ZNF254: variants seen among roughly 807,000 people sequenced by gnomAD.
The protein encoded by ZNF254 is zinc finger protein 254, also known as CTD-2017D11.1.
Under a neutral mutation model 12.4 loss-of-function variants are expected in ZNF254, and 10 were observed. That is an observed-to-expected ratio of 0.80 (90% CI 0.50 to 1.36). The LOEUF (loss-of-function observed/expected upper bound fraction) is 1.36, where lower values mean the gene tolerates loss of function less well. Ranked by LOEUF, ZNF254 falls within the 40% of genes most tolerant of loss-of-function variation. The probability of loss-of-function intolerance (pLI) is 0.00; values close to 1 mark genes in which losing one functional copy is unlikely to be tolerated. For synonymous variants in ZNF254, 305 were observed against 253.4 expected, an observed-to-expected ratio of 1.20 and a Z score of -1.93; for missense variants, 996 against 763.9, an observed-to-expected ratio of 1.30 and a Z score of -3.58.
intron 1 of ZNF254, among the ~76,000 whole-genome samples, chr19:24,045,346 G>C (rs890788516): frequency 6.6e-6 from 1 of 151,960 alleles, no homozygotes; most frequent in African/African-American, 2.4e-5. Context: ...CTTCAGCTAG[G>C]CTCCCCCCTC....
chr19:24,104,978 C>T (rs1412865397), intron 1 of ZNF254: 1 of 152,148 alleles, frequency 6.6e-6, no homozygotes. Context: ...AATTACAGAA[C>T]ATGAAAGATA....
At chr19:24,119,506 T>C (rs901979067) in intron 3 of ZNF254, among the ~76,000 whole-genome samples, 1 of 152,120 alleles carries the variant, frequency 6.6e-6, no homozygotes, top group Non-Finnish European at 1.5e-5. Context: ...TTGTTTGTTC[T>C]TGAGATAGGG....
chr19:24,048,217 GGTT>G (rs1314538527), intron 2 of ZNF254, among the ~76,000 whole-genome samples: 2 of 151,928 alleles, frequency 1.3e-5, no homozygotes, highest in Non-Finnish European at 2.9e-5. Flanking sequence ...CACACGTTTG[GGTT>G]GATCAGAGAT....
At position 24,129,497 on chromosome 19, in the gene ZNF254, A is replaced by G. The variant is rs1390628784; in HGVS notation, c.*1517A>G. ...TTTTGCCAGTGGCTTTAAATTGCCA[A>G]TAAGTTAAAGAATATTGTTCCTATG... On this transcript the variant is annotated 3_prime_UTR_variant, in exon 4 of 4. Coordinates refer to ENST00000357002, the MANE Select transcript of ZNF254 (RefSeq NM_203282.4). 2.0e-5 allele frequency: 3 copies of G among 152,038 alleles called. No individual in the cohort carries two copies. Among genetic ancestry groups the G allele is most frequent in the South Asian group, 2.1e-4 (1 of 4,836 alleles). The allele number at this position is 152,038 out of a possible 1,614,324, so 9.4% of individuals were successfully genotyped here. A position where few individuals can be genotyped will look rare whatever the true frequency, so the allele number is the denominator to read the frequency against.
chr19:24,126,274 C>A lies in ZNF254; in HGVS notation c.274C>A (p.Gln92Lys), dbSNP rs1487405285. 1 of 1,491,812 alleles carries A rather than the reference C, an allele frequency of 6.7e-7. No homozygotes were observed. Among genetic ancestry groups the A allele is most frequent in the Non-Finnish European group, 8.9e-7 (1 of 1,122,558 alleles). 92.4% of individuals were successfully genotyped at this position (1,491,812 alleles called of 1,614,324 possible). A position where few individuals can be genotyped will look rare whatever the true frequency, so the allele number is the denominator to read the frequency against. ...TTCAGGTATGTGTCCTCATTTTGCT[C>A]AAGACCTTTGGCCAGAGCAGGGCAT... ...EPPGMCPHFA[Q>K]DLWPEQGMED... The change falls in exon 4 of 4, where the codon CAA becomes AAA. Residue 92 changes from glutamine (Q) to lysine (K), a missense_variant. Gln to Lys is a moderately conservative substitution (Grantham distance 53, BLOSUM62 1). Transcript: ENST00000357002.
chr19:24,091,548 A>C (rs1023194476), intron 1 of ZNF254, among the ~76,000 whole-genome samples: 2 of 152,044 alleles, frequency 1.3e-5, no homozygotes, highest in Non-Finnish European at 2.9e-5. Flanking sequence ...GCTGGAGTGC[A>C]ATGGTGCAAT....
chr19:24,057,201 T>C (rs540843807), intron 2 of ZNF254, among the ~76,000 whole-genome samples: 1 of 152,344 alleles, frequency 6.6e-6, no homozygotes, highest in South Asian at 2.1e-4. Flanking sequence ...GTATGCACAC[T>C]TTGCCAATTG....
At position 24,128,930 on chromosome 19, in the gene ZNF254, T is replaced by C. The variant is rs903766871; in HGVS notation, c.*950T>C. On this transcript the variant is annotated 3_prime_UTR_variant, in exon 4 of 4. Transcript: ENST00000357002. ...AGATTTTTTTTAAAAGTGAATAATG[T>C]GTTCAACTCTTAAATTCATGCTGTT... 9 of 152,076 alleles carry C rather than the reference T, an allele frequency of 5.9e-5. No individual in the cohort carries two copies. The highest frequency in any genetic ancestry group is 5.9e-4 in the Admixed American group (9 of 15,250). The allele number at this position is 152,076 out of a possible 1,614,324, so 9.4% of individuals were successfully genotyped here.
chr19:24,109,944 G>A lies in ZNF254; in HGVS notation c.253+3301G>A, dbSNP rs557384016. On this transcript the variant is annotated intron_variant, in intron 3 of 3. Coordinates refer to ENST00000357002, the MANE Select transcript of ZNF254 (RefSeq NM_203282.4). ...GGGGTTTGCCATGTTGGTCAGGCAG[G>A]TCTCAAACTCCTGACCTTGGGTGAT... Among the ~76,000 whole-genome samples, 450 of 151,272 alleles carry A rather than the reference G, an allele frequency of 3.0e-3. 1 individual carries two copies. Among genetic ancestry groups the A allele is most frequent in the African/African-American group, 0.011 (435 of 41,278 alleles).
chr19:24,059,512 G>A (rs901053663), intron 2 of ZNF254, among the ~76,000 whole-genome samples: 4 of 152,248 alleles, frequency 2.6e-5, no homozygotes, highest in Admixed American at 6.5e-5. Context: ...GAGAACTTAG[G>A]TGATGTGACT....
chr19:24,053,743 C>T (rs1036761539), intron 2 of ZNF254, among the ~76,000 whole-genome samples: 1 of 151,564 alleles, frequency 6.6e-6, no homozygotes, highest in Non-Finnish European at 1.5e-5. Flanking sequence ...CTGCATGGGC[C>T]CTGTCCACAG....
chr19:24,092,319 A>T (rs542699986), intron 1 of ZNF254, among the ~76,000 whole-genome samples: 1 of 150,978 alleles, frequency 6.6e-6, no homozygotes, highest in East Asian at 2.0e-4. Context: ...GGCACCCACC[A>T]CCACCATGCC....
At chr19:24,094,335 A>G (rs1972554285) in intron 1 of ZNF254, among the ~76,000 whole-genome samples, 2 of 151,930 alleles carry the variant, frequency 1.3e-5, no homozygotes, top group Non-Finnish European at 1.5e-5. Flanking sequence ...GTCTTGGCTC[A>G]CCGCAAACTC....
Position 24,126,593 on chromosome 19 carries a change from C to T in ZNF254, c.593C>T (p.Thr198Ile), listed in dbSNP as rs764982405. The T allele has an allele frequency of 6.2e-7, 1 of 1,602,498 alleles. No homozygotes were observed. Among genetic ancestry groups the T allele is most frequent in the East Asian group, 2.2e-5 (1 of 44,776 alleles). The part of the protein sequence containing the change: ...VKLFCMLSHK[T>I]QHKSIYHREK... ...TTATTTTGCATGCTTTCACATAAAA[C>T]CCAACACAAAAGCATTTATCATAGA... is the stretch of plus-strand genomic sequence containing the variant. The change falls in exon 4 of 4, where the codon ACC becomes ATC. Residue 198 changes from threonine (T) to isoleucine (I), a missense_variant. Physicochemically the swap from Thr to Ile is moderately conservative, Grantham distance 89. Transcript: ENST00000357002.
chr19:24,063,771 G>C (rs1464775247), intron 2 of ZNF254: 1 of 151,220 alleles, frequency 6.6e-6, no homozygotes, highest in Non-Finnish European at 1.5e-5. Context: ...CTAACACTAA[G>C]GTGATGTTAC....
intron 1 of ZNF254, among the ~76,000 whole-genome samples, chr19:24,100,088 T>C (rs1304061229): frequency 6.6e-6 from 1 of 152,196 alleles, no homozygotes; most frequent in African/African-American, 2.4e-5. Context: ...TAGTCCTCTA[T>C]AGTCACTTCT....
chr19:24,093,171 T>C (rs1972493103), intron 1 of ZNF254, among the ~76,000 whole-genome samples: 1 of 152,114 alleles, frequency 6.6e-6, no homozygotes, highest in Admixed American at 6.5e-5. Context: ...ACTTAAGATT[T>C]TTATGAATTC....
chr19:24,105,440 G>A, intron 1 of ZNF254: 1 of 261,752 alleles, frequency 3.8e-6, no homozygotes, highest in South Asian at 3.9e-5. Flanking sequence ...CAAAACATTG[G>A]CATTACTGGT....
chr19:24,126,643 T>G lies in ZNF254; in HGVS notation c.643T>G (p.Cys215Gly). Reference protein sequence around the residue: ...HREKSYKCKECGKTFNWSSTL... With the variant: ...HREKSYKCKEGGKTFNWSSTL... ...AGAGAAGTCCTACAAATGTAAAGAA[T>G]GTGGAAAAACCTTTAATTGGTCCTC... Residue 215 changes from cysteine to glycine, a missense_variant, in exon 4 of 4, where the codon TGT becomes GGT. Transcript: ENST00000357002. 6.2e-7 allele frequency: 1 copy of G among 1,611,462 alleles called. No individual in the cohort carries two copies. The highest frequency in any genetic ancestry group is 8.5e-7 in the Non-Finnish European group (1 of 1,179,336).
Sources: gnomAD v4.1 joint callset for allele counts (sites outside exome capture counted in the v4.1 genomes callset) on GRCh38, gnomAD v4.1.1 for gene constraint, MANE v1.5 for transcripts, NCBI Gene and HGNC (gene_info 2026-07-23, HGNC 2026-07-21) for gene names.